SLC68A1: variants seen among roughly 807,000 people sequenced by gnomAD.
The protein encoded by SLC68A1 is solute carrier family 68 member 1, also known as major facilitator superfamily domain containing 13A.
chr10:102,469,992 G>A, the SLC68A1 span: 2 of 1,613,862 alleles, frequency 1.2e-6, no homozygotes. Context: ...TCTGCCTGCA[G>A]ACAGTGTTTC....
chr10:102,462,839 C>T, the SLC68A1 span, among the ~76,000 whole-genome samples: 1 of 152,182 alleles, frequency 6.6e-6, no homozygotes, highest in African/African-American at 2.4e-5. Flanking sequence ...CCGGCGAAAG[C>T]TTAATAAATG....
chr10:102,462,293 C>T, the SLC68A1 span, among the ~76,000 whole-genome samples: 2 of 152,114 alleles, frequency 1.3e-5, no homozygotes, highest in Non-Finnish European at 2.9e-5. Flanking sequence ...TTCATTTGTT[C>T]ATTTGGTATT....
the SLC68A1 span, among the ~76,000 whole-genome samples, chr10:102,465,413 A>T: frequency 2.0e-5 from 3 of 152,120 alleles, no homozygotes; most frequent in Non-Finnish European, 4.4e-5. Flanking sequence ...TGACAGAGCG[A>T]GACTCTATCT....
At chr10:102,475,765 T>G in the SLC68A1 span, 3 of 1,613,134 alleles carry the variant, frequency 1.9e-6, no homozygotes, top group African/African-American at 4.0e-5. Flanking sequence ...CTGTGGGGAG[T>G]GCCCATCCCT....
At chr10:102,472,874 CA>C in the SLC68A1 span, 2 of 1,614,190 alleles carry the variant, frequency 1.2e-6, no homozygotes, top group Non-Finnish European at 1.7e-6. Flanking sequence ...GCCACTTCAA[CA>C]GCAACTTCTT....
the SLC68A1 span, chr10:102,473,710 C>G: frequency 6.2e-7 from 1 of 1,613,950 alleles, no homozygotes; most frequent in Non-Finnish European, 8.5e-7. Flanking sequence ...CGGCCCGGAC[C>G]ACCTCAGCCT....
chr10:102,464,650 C>T, the SLC68A1 span, among the ~76,000 whole-genome samples: 13 of 150,948 alleles, frequency 8.6e-5, no homozygotes, highest in Admixed American at 6.6e-4. Context: ...ATTAGCTGGG[C>T]GTGGTGGTGC....
At chr10:102,468,478 C>T in the SLC68A1 span, 1 of 153,000 alleles carries the variant, frequency 6.5e-6, no homozygotes, top group Non-Finnish European at 1.5e-5. Flanking sequence ...CGAGACCATC[C>T]TGGTGAATGA....
chr10:102,474,678 C>T, the SLC68A1 span, among the ~76,000 whole-genome samples: 1 of 152,018 alleles, frequency 6.6e-6, no homozygotes, highest in Non-Finnish European at 1.5e-5. Context: ...GAGATAGGGT[C>T]TCCCTGTCAC....
the SLC68A1 span, chr10:102,476,662 T>C: frequency 7.1e-6 from 7 of 986,094 alleles, no homozygotes; most frequent in Admixed American, 6.1e-5. Context: ...CTGGGCCATA[T>C]GTGCTCAGGG....
the SLC68A1 span, chr10:102,473,612 TG>T: frequency 6.2e-7 from 1 of 1,613,688 alleles, no homozygotes; most frequent in Admixed American, 1.7e-5. Context: ...CTCTACTTCC[TG>T]TCCCTGTGCC....
At chr10:102,470,029 C>G in the SLC68A1 span, 1 of 1,614,112 alleles carries the variant, frequency 6.2e-7, no homozygotes, top group Non-Finnish European at 8.5e-7. Context: ...CAATGACCCC[C>G]TCTTCGGTTG....
chr10:102,475,418 G>C, the SLC68A1 span, among the ~76,000 whole-genome samples: 3 of 152,210 alleles, frequency 2.0e-5, no homozygotes, highest in Admixed American at 2.0e-4. Flanking sequence ...GGGCCAGGGT[G>C]GTGGCAGGTG....
the SLC68A1 span, chr10:102,471,202 C>T: frequency 1.9e-6 from 3 of 1,600,568 alleles, no homozygotes; most frequent in Non-Finnish European, 2.6e-6. Flanking sequence ...CTGATGGGGG[C>T]TGCCCTGGGA....
chr10:102,471,451 G>T, the SLC68A1 span: 1 of 1,590,054 alleles, frequency 6.3e-7, no homozygotes, highest in Non-Finnish European at 8.6e-7. Flanking sequence ...CACTCAAGGG[G>T]ACAGACTCCT....
At chr10:102,467,755 C>T in the SLC68A1 span, among the ~76,000 whole-genome samples, 8 of 152,140 alleles carry the variant, frequency 5.3e-5, no homozygotes, top group Admixed American at 2.0e-4. Context: ...CTCCCGGGTT[C>T]AAGCAATTCT....
At chr10:102,469,154 T>C in the SLC68A1 span, 6 of 1,614,080 alleles carry the variant, frequency 3.7e-6, no homozygotes, top group Non-Finnish European at 5.1e-6. Context: ...GACACCTTTG[T>C]CTCAGTGTAC....
At chr10:102,474,424 G>GTAT in the SLC68A1 span, among the ~76,000 whole-genome samples, 1 of 152,146 alleles carries the variant, frequency 6.6e-6, no homozygotes, top group Admixed American at 6.5e-5. Context: ...AAGCTATGTA[G>GTAT]TATTATCAGG....
the SLC68A1 span, chr10:102,473,485 G>T: frequency 4.4e-5 from 60 of 1,361,406 alleles, no homozygotes; most frequent in Non-Finnish European, 5.9e-5. Context: ...TAGTGTACAG[G>T]AATGCAGTCG....
Sources: gnomAD v4.1 joint callset for allele counts (sites outside exome capture counted in the v4.1 genomes callset) on GRCh38, gnomAD v4.1.1 for gene constraint, MANE v1.5 for transcripts, NCBI Gene and HGNC (gene_info 2026-07-23, HGNC 2026-07-21) for gene names.